The following TAB3 variants were observed in gnomAD, a reference collection of about 807,000 sequenced individuals.
TAB3 encodes TGF-beta activated kinase 1 (MAP3K7) binding protein 3.
Under a neutral mutation model 48.1 loss-of-function variants are expected in TAB3, and 18 were observed. The observed-to-expected ratio is 0.37, with a 90% CI of 0.26 to 0.55. The LOEUF is 0.55. TAB3 is among the 20% of genes least tolerant of loss of function. The pLI is 0.78. For synonymous variants in TAB3, 185 were observed against 190.2 expected (o/e 0.97, Z 0.22); for missense variants, 414 against 549.8 (o/e 0.75, Z 2.47).
chrX:30,887,542 C>G (rs747148144), intron 1 of TAB3, among the ~76,000 whole-genome samples: 11 of 112,718 alleles, frequency 9.8e-5, no homozygotes, highest in African/African-American at 3.5e-4. Context: ...AGAATCAGAC[C>G]TACATGAGTT....
chrX:30,869,396 C>A (rs1015626549), intron 2 of TAB3, among the ~76,000 whole-genome samples: 4 of 111,747 alleles, frequency 3.6e-5, no homozygotes, highest in East Asian at 2.8e-4. Flanking sequence ...TTTATGTTAA[C>A]CCCCTCCTAA....
chrX:30,855,317 C>T lies in TAB3; in HGVS notation c.348G>A (p.Gln116=), dbSNP rs757576505. 1 of 1,209,925 alleles carries T rather than the reference C, an allele frequency of 8.3e-7. No homozygotes were observed. The highest frequency in any genetic ancestry group is 1.7e-5 in the African/African-American group (1 of 57,187). ...HIDPQHAAGK[Q]LICLVQEPHS... is the part of the protein sequence containing the mutation. ...GTGGTTCTTGAACTAAACATATCAG[C>T]TGTTTACCTGCTGCATGCTGAGGAT... Residue 116 remains glutamine, a synonymous_variant, in exon 6 of 11, where the codon CAG becomes CAA. Transcript: ENST00000288422.
chrX:30,859,801 T>C (rs767802778), intron 4 of TAB3, 123 bp from the exon 5 acceptor site: 1 of 397,834 alleles, frequency 2.5e-6, no homozygotes, highest in East Asian at 4.0e-5. Flanking sequence ...TGACACTCCT[T>C]CTTAGTCCTG....
chrX:30,850,671 C>T (rs1390474648), intron 7 of TAB3, among the ~76,000 whole-genome samples: 1 of 106,013 alleles, frequency 9.4e-6, no homozygotes, highest in Non-Finnish European at 1.9e-5. Flanking sequence ...GAGATCACGC[C>T]ATTGCACTCC....
rs1294618760 is a variant in TAB3, at chrX:30,868,584, TATAG to T, written c.-279-1039_-279-1036del. On this transcript the variant is annotated intron_variant, in intron 2 of 10. Coordinates refer to ENST00000288422, the MANE Select transcript of TAB3 (RefSeq NM_152787.5). ...TATATAGCTTATATATATATATATATATAGAGAGAGAGAGAGAGAGAGAGAGAGA... is the reference window on the plus strand; with the variant it reads ...TATATAGCTTATATATATATATATATAGAGAGAGAGAGAGAGAGAGAGAGA... Among the ~76,000 whole-genome samples, 6 of 10,691 alleles carry T rather than the reference TATAG, an allele frequency of 5.6e-4. 3 individuals are homozygous for T. The highest frequency in any genetic ancestry group is 7.6e-3 in the South Asian group (2 of 263). 9.3% of individuals were successfully genotyped at this position (10,691 alleles called of 115,157 possible). A position where few individuals can be genotyped will look rare whatever the true frequency, so the allele number is the denominator to read the frequency against.
intron 10 of TAB3, among the ~76,000 whole-genome samples, chrX:30,832,312 T>C (rs1043482644): frequency 7.1e-5 from 8 of 111,969 alleles, no homozygotes; most frequent in African/African-American, 2.6e-4. Flanking sequence ...ACATTCCTCT[T>C]AGGTCCTCAT....
rs1938030151 is a variant in TAB3 at position 30,831,419 on chromosome X, T to C, written c.*8A>G. ...TTCACTTTCAACCTGGCGCAGACTT[T>C]TCTGAATTCAGGTGTACCGTGGCAT... On this transcript the variant is annotated 3_prime_UTR_variant, in exon 11 of 11. Transcript: ENST00000288422. The C allele has an allele frequency of 1.7e-6, 2 of 1,205,232 alleles. No individual in the cohort carries two copies. Among genetic ancestry groups the C allele is most frequent in the South Asian group, 1.8e-5 (1 of 55,478 alleles).
intron 7 of TAB3, among the ~76,000 whole-genome samples, chrX:30,852,550 CGTCA>C (rs779051333): frequency 6.3e-5 from 7 of 111,293 alleles, no homozygotes; most frequent in African/African-American, 2.0e-4. Flanking sequence ...TGATTATAAT[CGTCA>C]GTGTTTGAAA....
In TAB3 at chrX:30,855,514, T is replaced by C; in HGVS notation, c.151A>G (p.Ser51Gly). The C allele has an allele frequency of 1.7e-6, 2 of 1,206,357 alleles. No homozygotes were observed. The change falls in exon 6 of 11, where the codon AGC (serine) becomes GGC (glycine). Residue 51 changes from serine (S) to glycine (G), a missense_variant. Physicochemically the swap from Ser to Gly is moderately conservative, Grantham distance 56 (BLOSUM62 0). Coordinates refer to ENST00000288422, the MANE Select transcript of TAB3 (RefSeq NM_152787.5). ...TGGTATTCCATATATAAGTATTTGC[T>C]ACTCTCCTGGGAAAGGGCTCGGCAA... ...ACCRALSQES[S>G]KYLYMEYHSP... is the part of the protein sequence containing the mutation.
At chrX:30,851,968 C>A (rs1174938668) in intron 7 of TAB3, among the ~76,000 whole-genome samples, 1 of 112,198 alleles carries the variant, frequency 8.9e-6, no homozygotes, top group African/African-American at 3.2e-5. Context: ...ACAGCACTTA[C>A]CACACTGTAT....
In TAB3 at chrX:30,830,557, G is replaced by C. The variant is rs1160615224; in HGVS notation, c.*870C>G. On this transcript the variant is annotated 3_prime_UTR_variant, in exon 11 of 11. Transcript: ENST00000288422. ...GACTTGCATTTGGCATACATTCACT[G>C]TGCTACTGGCAAAGCGCAGTTTTAC... 8.9e-6 allele frequency: 1 copy of C among 112,380 alleles called. No homozygotes were observed. The highest frequency in any genetic ancestry group is 3.2e-5 in the African/African-American group (1 of 30,876). 9.3% of individuals were successfully genotyped at this position (112,380 alleles called of 1,213,427 possible).
intron 1 of TAB3, among the ~76,000 whole-genome samples, chrX:30,884,221 T>A (rs1940068985): frequency 8.9e-6 from 1 of 111,790 alleles, no homozygotes; most frequent in African/African-American, 3.3e-5. Flanking sequence ...AGGCGTATCA[T>A]CTTCGAAAGT....
At chrX:30,843,242 C>T (rs1938512058) in intron 8 of TAB3, 193 bp from the exon 9 acceptor site, 1 of 366,392 alleles carries the variant, frequency 2.7e-6, no homozygotes, top group African/African-American at 2.6e-5. Flanking sequence ...CCCAAGAAAA[C>T]CACTACACAG....
In TAB3 at chrX:30,846,608, G is replaced by A; in HGVS notation, c.1747C>T (p.Gln583Ter). 1 of 1,203,028 alleles carries A rather than the reference G, an allele frequency of 8.3e-7. No individual in the cohort carries two copies. The highest frequency in any genetic ancestry group is 1.1e-6 in the Non-Finnish European group (1 of 890,086). The stretch of plus-strand genomic sequence containing the variant: ...GTACAGTCAACATTTATCTGGAGTT[G>A]TCTGTTCATGCTTCTCAATCTTGTC... ...EMTRLRSMNRQLQINVDCTLK... is the reference protein window; with the variant it reads ...EMTRLRSMNR Residue 583 changes from glutamine to a stop codon, truncating the protein, a stop_gained, in exon 8 of 11, where the codon CAA becomes TAA. Transcript: ENST00000288422. LOFTEE classifies it high-confidence loss of function.
chrX:30,855,384 C>G lies in TAB3; in HGVS notation c.281G>C (p.Gly94Ala). ...YHPGDGAQLN[G>A]GRTLVHSSSD... ...TGAGCTATGTACCAGTGTTCGACCA[C>G]CATTAAGTTGGGCTCCATCTCCTGG... The change falls in exon 6 of 11, where the codon GGT becomes GCT. Residue 94 changes from glycine to alanine, a missense_variant. Gly to Ala is a moderately conservative substitution (Grantham distance 60). Transcript: ENST00000288422. 8.3e-7 allele frequency: 1 copy of G among 1,211,216 alleles called. No homozygotes were observed. The highest frequency in any genetic ancestry group is 1.1e-6 in the Non-Finnish European group (1 of 895,231).
At chrX:30,859,738 A>G in intron 4 of TAB3, 60 bp from the exon 5 acceptor site, 1 of 460,273 alleles carries the variant, frequency 2.2e-6, no homozygotes, top group Non-Finnish European at 3.8e-6. Flanking sequence ...CTTTATTCCT[A>G]TTGATCCTAT....
At chrX:30,840,073 C>A (rs193143136) in intron 9 of TAB3, among the ~76,000 whole-genome samples, 1 of 108,538 alleles carries the variant, frequency 9.2e-6, no homozygotes, top group East Asian at 2.9e-4. Context: ...ATAAAGATGT[C>A]CATCACTTTC....
chrX:30,834,260 C>T, intron 9 of TAB3, 108 bp from the exon 10 acceptor site: 1 of 637,310 alleles, frequency 1.6e-6, no homozygotes, highest in South Asian at 2.8e-5. Context: ...AGTGCATTTA[C>T]CCTACCTATT....
rs1251740372 is a variant in TAB3, at chrX:30,828,027, G to A, written c.*3400C>T. The A allele has an allele frequency of 2.7e-5, 3 of 111,940 alleles. No individual in the cohort carries two copies. Among genetic ancestry groups the A allele is most frequent in the Admixed American group, 1.9e-4 (2 of 10,476 alleles). 9.2% of individuals were successfully genotyped at this position (111,940 alleles called of 1,213,427 possible). ...ACAGATAGATATACAGACACACACG[G>A]TAACATGGACTCATTCAAGGTCTAA... is the stretch of plus-strand genomic sequence containing the variant. On this transcript the variant is annotated 3_prime_UTR_variant, in exon 11 of 11. Transcript: ENST00000288422.
Sources: allele counts gnomAD v4.1 joint callset (sites outside exome capture counted in the v4.1 genomes callset), GRCh38; gene constraint gnomAD v4.1.1; transcripts MANE v1.5; gene names NCBI Gene and HGNC (gene_info 2026-07-23, HGNC 2026-07-21).